MACROD1: variants seen among roughly 807,000 people sequenced by gnomAD.
MACROD1 encodes the protein ADP-ribose glycohydrolase MACROD1.
Under a neutral mutation model 41.4 loss-of-function variants are expected in MACROD1, and 31 were observed. The observed-to-expected ratio is 0.75, with a 90% CI of 0.56 to 1.01. MACROD1 has a LOEUF of 1.01. Among genes scored for constraint, MACROD1 ranks in the 50% least tolerant of loss-of-function variants. The pLI, the probability that MACROD1 is intolerant of heterozygous loss-of-function variation, is 0.00. For missense variants in MACROD1, 473 were observed against 460.0 expected, an observed-to-expected ratio of 1.03 and a Z score of -0.26; for synonymous variants, 252 against 203.4, an observed-to-expected ratio of 1.24 and a Z score of -2.03.
chr11:64,065,789 CAAAA>C (rs58096977), intron 3 of MACROD1, among the ~76,000 whole-genome samples: 1 of 67,568 alleles, frequency 1.5e-5, no homozygotes, highest in Non-Finnish European at 3.4e-5. Context: ...GACTCCGCCT[CAAAA>C]AAAAAAAAAA....
At chr11:64,033,499 G>A (rs1048291164) in intron 3 of MACROD1, among the ~76,000 whole-genome samples, 7 of 152,024 alleles carry the variant, frequency 4.6e-5, no homozygotes, top group African/African-American at 1.4e-4. Flanking sequence ...TGATCCTCTC[G>A]CCTCAGCCTC....
At chr11:63,999,850 G>A in intron 5 of MACROD1, 87 bp from the exon 6 acceptor site, 5 of 1,410,856 alleles carry the variant, frequency 3.5e-6, no homozygotes, top group Non-Finnish European at 4.8e-6. Flanking sequence ...GCAGAAGGGG[G>A]CAGGAAACAC....
chr11:64,041,484 G>C (rs1365283565), intron 3 of MACROD1, among the ~76,000 whole-genome samples: 1 of 152,056 alleles, frequency 6.6e-6, no homozygotes, highest in Non-Finnish European at 1.5e-5. Context: ...AGGGGAGTGA[G>C]GAGGGTGCCC....
rs1449414812 is a variant in MACROD1, at chr11:64,120,423, A to G, written c.517+30816T>C. Among the ~76,000 whole-genome samples the G allele has an allele frequency of 6.6e-6, 1 of 152,222 alleles. No homozygotes were observed. Among genetic ancestry groups the G allele is most frequent in the Non-Finnish European group, 1.5e-5 (1 of 68,038 alleles). ...AGCCCCAGGCCGGGTGCAGTGGCTC[A>G]CGCCTGTAATCCCAGCACTTTGGGA... On this transcript the variant is annotated intron_variant, in intron 3 of 10. Coordinates refer to ENST00000255681, the MANE Select transcript of MACROD1 (RefSeq NM_014067.4). The surrounding 1 kb of genome is among the most constrained non-coding windows in gnomAD (Gnocchi z 4.5).
intron 3 of MACROD1, among the ~76,000 whole-genome samples, chr11:64,068,588 T>C (rs1408002286): frequency 2.0e-5 from 3 of 152,246 alleles, no homozygotes; most frequent in African/African-American, 7.2e-5. Flanking sequence ...GATTGGCAGA[T>C]AAACTGAAGC....
intron 3 of MACROD1, among the ~76,000 whole-genome samples, chr11:64,127,233 T>G (rs1318622734): frequency 6.6e-6 from 1 of 152,290 alleles, no homozygotes; most frequent in African/African-American, 2.4e-5. Context: ...TCATAGAAAA[T>G]GTCCAAGTCC....
chr11:63,999,336 C>T lies in MACROD1; in HGVS notation c.886G>A (p.Asp296Asn), dbSNP rs1183129383. ...TLREWLEQHK[D>N]KVDRLIICVF... is the part of the protein sequence containing the mutation. ...CGCCCGGGCCCAGGACTCACCTTGT[C>T]CTTGTGCTGCTCCAGCCACTCTCGC... The change falls in exon 8 of 11, where the codon GAC (aspartate) becomes AAC (asparagine). Residue 296 changes from aspartate (D) to asparagine (N), a missense_variant. Coordinates refer to ENST00000255681, the MANE Select transcript of MACROD1 (RefSeq NM_014067.4). 6.4e-7 allele frequency: 1 copy of T among 1,567,142 alleles called. No individual in the cohort carries two copies. Among genetic ancestry groups the T allele is most frequent in the Admixed American group, 1.8e-5 (1 of 54,990 alleles).
In MACROD1 at chr11:64,000,210, G is replaced by T. The variant is rs1412752491; in HGVS notation, c.664+17C>A. ...CCCTGTCTGCGCCCCACAGCTGGGG[G>T]CGCGTCGGGGACTCACACTTGGCCG... On this transcript the variant is annotated intron_variant, in intron 5 of 10. Transcript: ENST00000255681. 6.3e-7 allele frequency: 1 copy of T among 1,595,012 alleles called. No individual in the cohort carries two copies. Among genetic ancestry groups the T allele is most frequent in the Non-Finnish European group, 8.5e-7 (1 of 1,169,844 alleles).
intron 3 of MACROD1, among the ~76,000 whole-genome samples, chr11:64,109,162 C>G (rs1944816606): frequency 6.6e-6 from 1 of 152,042 alleles, no homozygotes; most frequent in Admixed American, 6.5e-5. Context: ...GGGGCTATTT[C>G]CTTGCTGGCT....
At position 64,116,097 on chromosome 11, in the gene MACROD1, C is replaced by T. The variant is rs918784575; in HGVS notation, c.517+35142G>A. 6 of 1,028,042 alleles carry T rather than the reference C, an allele frequency of 5.8e-6. No individual in the cohort carries two copies. In the East Asian group the frequency reaches 7.9e-5, roughly 13 times the overall value. 63.7% of individuals were successfully genotyped at this position (1,028,042 alleles called of 1,614,324 possible). A position where few individuals can be genotyped will look rare whatever the true frequency, so the allele number is the denominator to read the frequency against. On this transcript the variant is annotated intron_variant, in intron 3 of 10. Coordinates refer to ENST00000255681, the MANE Select transcript of MACROD1 (RefSeq NM_014067.4). The stretch of plus-strand genomic sequence containing the variant: ...CCACTCCTCCAGCTTGACCTCACCC[C>T]GCAGGACCGGACTTCGGTCACCCCT...
chr11:64,101,890 C>A (rs1260838231), intron 3 of MACROD1, among the ~76,000 whole-genome samples: 1 of 152,172 alleles, frequency 6.6e-6, no homozygotes, highest in African/African-American at 2.4e-5. Context: ...CCCCCTGCCA[C>A]CCTGTCCACC....
chr11:64,136,042 G>A (rs867733916), intron 3 of MACROD1, among the ~76,000 whole-genome samples: 34 of 152,184 alleles, frequency 2.2e-4, no homozygotes, highest in African/African-American at 7.0e-4. Context: ...CCTGCTCCCC[G>A]CCACGCTCGG....
chr11:64,049,911 C>A (rs1453160244), intron 3 of MACROD1, among the ~76,000 whole-genome samples: 1 of 152,240 alleles, frequency 6.6e-6, no homozygotes, highest in African/African-American at 2.4e-5. Flanking sequence ...GACCAAGACG[C>A]TGTGGCCCCG....
intron 3 of MACROD1, among the ~76,000 whole-genome samples, chr11:64,101,931 T>G (rs1434648953): frequency 6.6e-6 from 1 of 152,210 alleles, no homozygotes; most frequent in African/African-American, 2.4e-5. Context: ...ACCACCTGGC[T>G]GGCACACACC....
At chr11:64,129,724 A>C (rs1021958460) in intron 3 of MACROD1, among the ~76,000 whole-genome samples, 2 of 152,134 alleles carry the variant, frequency 1.3e-5, no homozygotes, top group African/African-American at 4.8e-5. Flanking sequence ...TCCCAGGTCC[A>C]CGGCCTGCTG....
chr11:64,156,025 T>C (rs1440329724), intron 1 of MACROD1, among the ~76,000 whole-genome samples: 1 of 151,100 alleles, frequency 6.6e-6, no homozygotes, highest in Non-Finnish European at 1.5e-5. Context: ...GGAGAATCGC[T>C]TGAACCTGGG....
chr11:64,084,422 C>A (rs572024853), intron 3 of MACROD1, among the ~76,000 whole-genome samples: 1 of 152,350 alleles, frequency 6.6e-6, no homozygotes, highest in East Asian at 1.9e-4. Context: ...TCCCGCGAAG[C>A]CCCCTCCCTG....
chr11:64,000,863 C>T (rs1290789241), intron 4 of MACROD1, among the ~76,000 whole-genome samples: 1 of 152,158 alleles, frequency 6.6e-6, no homozygotes, highest in East Asian at 1.9e-4. Context: ...CCCTAGGACC[C>T]ATTTTGCGGA....
chr11:64,063,133 C>T (rs1943935915), intron 3 of MACROD1, among the ~76,000 whole-genome samples: 2 of 152,080 alleles, frequency 1.3e-5, no homozygotes, highest in South Asian at 4.2e-4. Context: ...GAGAGGCCAC[C>T]CTATGGTGAT....
Sources: gnomAD v4.1 joint callset for allele counts (sites outside exome capture counted in the v4.1 genomes callset) on GRCh38, gnomAD v4.1.1 for gene constraint, Gnocchi (gnomAD v3.1) non-coding constraint, MANE v1.5 for transcripts, NCBI Gene and HGNC (gene_info 2026-07-23, HGNC 2026-07-21) for gene names.